OSBP: variants seen among roughly 807,000 people sequenced by gnomAD.
OSBP encodes oxysterol-binding protein 1.
In OSBP, 32 loss-of-function variants were observed where a neutral mutation model predicts 96.6. That is an observed-to-expected ratio of 0.33 (90% confidence interval 0.25 to 0.45). OSBP has a LOEUF of 0.45. Ranked by LOEUF, OSBP falls within the 20% of genes least tolerant of loss-of-function variation. The pLI is 1.00. For missense variants in OSBP, 653 were observed against 1,029.7 expected, an observed-to-expected ratio of 0.63 and a Z score of 5.01; for synonymous variants, 369 against 389.6, an observed-to-expected ratio of 0.95 and a Z score of 0.62.
At chr11:59,605,224 T>C (rs1051465685) in intron 3 of OSBP, among the ~76,000 whole-genome samples, 1 of 152,110 alleles carries the variant, frequency 6.6e-6, no homozygotes, top group Non-Finnish European at 1.5e-5. Flanking sequence ...CCAAGCTTAG[T>C]TGGTATGATC....
chr11:59,581,359 T>G, intron 10 of OSBP, 92 bp downstream of exon 10: 1 of 593,300 alleles, frequency 1.7e-6, no homozygotes, highest in Non-Finnish European at 2.9e-6. Context: ...AGCAACATTC[T>G]GAGACCAGTT....
chr11:59,585,976 G>C, intron 9 of OSBP, among the ~76,000 whole-genome samples: 1 of 151,994 alleles, frequency 6.6e-6, no homozygotes, highest in Non-Finnish European at 1.5e-5. Flanking sequence ...CAGCATGCTG[G>C]TTAAGAGTCG....
In OSBP at chr11:59,600,911, A is replaced by G. The variant is rs770709104; in HGVS notation, c.1125-38T>C. On this transcript the variant is annotated intron_variant, in intron 5 of 13. Coordinates refer to ENST00000263847, the MANE Select transcript of OSBP (RefSeq NM_002556.3). Reference sequence around the variant, plus strand: ...GAAACACAGGAGAATTAGAACAAAGACCAGAACTAGAGTGTGGTCCTGGAC... The same window carrying G: ...GAAACACAGGAGAATTAGAACAAAGGCCAGAACTAGAGTGTGGTCCTGGAC... The G allele has an allele frequency of 1.3e-5, 21 of 1,563,862 alleles. No individual in the cohort carries two copies. In the African/African-American group the frequency reaches 2.7e-4, roughly 20 times the overall value.
intron 9 of OSBP, among the ~76,000 whole-genome samples, chr11:59,582,508 T>A (rs1860433512): frequency 6.6e-6 from 1 of 152,104 alleles, no homozygotes; most frequent in South Asian, 2.1e-4. Context: ...ACCCTACGGG[T>A]CCCTTCATTT....
chr11:59,597,727 G>T (rs777428140), intron 7 of OSBP, among the ~76,000 whole-genome samples: 2 of 152,098 alleles, frequency 1.3e-5, no homozygotes, highest in Non-Finnish European at 2.9e-5. Flanking sequence ...TTTGTTTTGA[G>T]AGACAGTCTC....
At chr11:59,601,186 GT>G in intron 5 of OSBP, 96 bp downstream of exon 5, 1 of 562,322 alleles carries the variant, frequency 1.8e-6, no homozygotes. Context: ...TCACTGAAAT[GT>G]TTTTAACCTT....
chr11:59,590,556 C>G (rs934229717), intron 9 of OSBP, among the ~76,000 whole-genome samples: 2 of 152,152 alleles, frequency 1.3e-5, no homozygotes, highest in African/African-American at 4.8e-5. Flanking sequence ...ACATGAAAAG[C>G]ACTTATATCA....
intron 9 of OSBP, among the ~76,000 whole-genome samples, chr11:59,589,390 CAGA>C (rs1860547831): frequency 6.6e-6 from 1 of 150,972 alleles, no homozygotes; most frequent in Non-Finnish European, 1.5e-5. Context: ...CACTTGAGAT[CAGA>C]AGTTCGAGAC....
Position 59,608,511 on chromosome 11 carries a change from A to G in OSBP, c.795T>C (p.Phe265=). The G allele has an allele frequency of 6.2e-7, 1 of 1,614,198 alleles. No individual in the cohort carries two copies. The highest frequency in any genetic ancestry group is 8.5e-7 in the Non-Finnish European group (1 of 1,180,016). The change falls in exon 3 of 14, where the codon TTT becomes TTC. Residue 265 remains phenylalanine (F), a synonymous_variant. Transcript: ENST00000263847. ...IKQVNERATL[F]RITSNAMINA... ...TGATCATGGCATTGGATGTTATCCT[A>G]AAGAGTGTGGCTCGTTCGTTGACCT...
chr11:59,581,496 G>A lies in OSBP; in HGVS notation c.1737C>T (p.Thr579=). ...CCACAATAATGTTGTGTACAGTTGT[G>A]GTAACTTTCTTCCAAGTGTAGTGGT... The part of the protein sequence containing the change: ...TGHHYTWKKV[T]TTVHNIIVGK... Residue 579 remains threonine (T), a synonymous_variant, in exon 10 of 14, where the codon ACC becomes ACT. Coordinates refer to ENST00000263847, the MANE Select transcript of OSBP (RefSeq NM_002556.3). 2 of 1,612,810 alleles carry A rather than the reference G, an allele frequency of 1.2e-6. No individual in the cohort carries two copies. The highest frequency in any genetic ancestry group is 2.2e-5 in the East Asian group (1 of 44,844).
At chr11:59,579,015 CTT>C (rs1860390031) in intron 11 of OSBP, among the ~76,000 whole-genome samples, 1 of 152,166 alleles carries the variant, frequency 6.6e-6, no homozygotes, top group African/African-American at 2.4e-5. Flanking sequence ...AAATACTAGA[CTT>C]TATTCTTTAT....
chr11:59,577,098 T>C, intron 12 of OSBP, 73 bp from the exon 13 acceptor site: 1 of 1,218,182 alleles, frequency 8.2e-7, no homozygotes, highest in Non-Finnish European at 1.2e-6. Context: ...AACAACTAAG[T>C]ACACTGCCAA....
chr11:59,583,796 C>T (rs1590668212), intron 9 of OSBP, among the ~76,000 whole-genome samples: 1 of 151,554 alleles, frequency 6.6e-6, no homozygotes, highest in East Asian at 1.9e-4. Flanking sequence ...CCCACCACCA[C>T]ACCTGGCTAA....
intron 9 of OSBP, among the ~76,000 whole-genome samples, chr11:59,592,881 C>T (rs1860603212): frequency 1.3e-5 from 2 of 151,856 alleles, no homozygotes; most frequent in Admixed American, 6.6e-5. Context: ...CTGAAACCTC[C>T]GCCTCCCGGG....
chr11:59,600,134 C>CT (rs1860703536), intron 7 of OSBP, among the ~76,000 whole-genome samples: 1 of 152,118 alleles, frequency 6.6e-6, no homozygotes, highest in South Asian at 2.1e-4. Context: ...TTCCATAATA[C>CT]TATCACAGAA....
intron 7 of OSBP, among the ~76,000 whole-genome samples, chr11:59,595,364 C>T (rs1860635833): frequency 6.6e-6 from 1 of 151,984 alleles, no homozygotes; most frequent in East Asian, 1.9e-4. Flanking sequence ...TGGCCTTAAG[C>T]AACGCTTTAC....
At chr11:59,593,775 T>C in intron 8 of OSBP, 51 bp from the exon 9 acceptor site, 1 of 1,609,514 alleles carries the variant, frequency 6.2e-7, no homozygotes, top group Admixed American at 1.7e-5. Flanking sequence ...AAGAAAAAGA[T>C]ACTGCCTATA....
rs762517186 is a variant in OSBP, at chr11:59,581,502, T to C, written c.1731A>G (p.Lys577=). 3 of 1,613,220 alleles carry C rather than the reference T, an allele frequency of 1.9e-6. No homozygotes were observed. The highest frequency in any genetic ancestry group is 2.2e-5 in the South Asian group (2 of 91,056). ...TAATGTTGTGTACAGTTGTGGTAAC[T>C]TTCTTCCAAGTGTAGTGGTGCCCAG... ...HATGHHYTWK[K]VTTTVHNIIV... is the part of the protein sequence containing the mutation. The change falls in exon 10 of 14, where the codon AAA becomes AAG. Residue 577 remains lysine (K), a synonymous_variant. Transcript: ENST00000263847.
intron 12 of OSBP, among the ~76,000 whole-genome samples, chr11:59,577,885 A>G (rs1288632663): frequency 6.6e-6 from 1 of 152,222 alleles, no homozygotes; most frequent in Non-Finnish European, 1.5e-5. Flanking sequence ...GTAGAAAAAT[A>G]CCCTTCTGAA....
Sources: gnomAD v4.1 joint callset for allele counts (sites outside exome capture counted in the v4.1 genomes callset) on GRCh38, gnomAD v4.1.1 for gene constraint, MANE v1.5 for transcripts, NCBI Gene and HGNC (gene_info 2026-07-23, HGNC 2026-07-21) for gene names.